The following CELF4 variants were observed in gnomAD, a reference collection of about 807,000 sequenced individuals.
The protein encoded by CELF4 is CUG-BP- and ETR-3-like factor 4.
CELF4 carries 18 observed loss-of-function variants against 59.9 expected under a neutral mutation model. The observed-to-expected ratio is 0.30, with a 90% CI of 0.21 to 0.45. The LOEUF (loss-of-function observed/expected upper bound fraction) is 0.45. Ranked by LOEUF, CELF4 falls within the 20% of genes least tolerant of loss-of-function variation. The pLI, the probability that CELF4 is intolerant of heterozygous loss-of-function variation, is 1.00. For missense variants in CELF4, 456 were observed against 689.0 expected (o/e 0.66, Z 3.79); for synonymous variants, 261 against 267.1 (o/e 0.98, Z 0.22).
At chr18:37,315,837 G>C (rs72883686) in intron 3 of CELF4, among the ~76,000 whole-genome samples, 1 of 152,130 alleles carries the variant, frequency 6.6e-6, no homozygotes, top group Non-Finnish European at 1.5e-5. Context: ...GATCCTCTTC[G>C]GCCCACTAAG....
chr18:37,481,878 T>C (rs918465327), intron 2 of CELF4, among the ~76,000 whole-genome samples: 3 of 152,196 alleles, frequency 2.0e-5, no homozygotes, highest in Non-Finnish European at 2.9e-5. Flanking sequence ...CGGCCACTTA[T>C]CAATTTTGTG....
At chr18:37,504,140 A>C (rs1305464696) in intron 1 of CELF4, among the ~76,000 whole-genome samples, 2 of 152,250 alleles carry the variant, frequency 1.3e-5, no homozygotes, top group South Asian at 4.1e-4. Context: ...GGAGGAATGG[A>C]GTTGGATGAG....
intron 2 of CELF4, among the ~76,000 whole-genome samples, chr18:37,349,393 G>T (rs1020610559): frequency 6.6e-6 from 1 of 152,218 alleles, no homozygotes. Context: ...GAGATGCGAT[G>T]CCTTCCCTAC....
chr18:37,313,099 C>T (rs1343955611), intron 3 of CELF4, among the ~76,000 whole-genome samples: 3 of 152,220 alleles, frequency 2.0e-5, no homozygotes, highest in Non-Finnish European at 2.9e-5. Context: ...TCACTGGACG[C>T]CTTCTCTCTC....
At chr18:37,384,222 G>A (rs765940900) in intron 2 of CELF4, among the ~76,000 whole-genome samples, 5 of 152,186 alleles carry the variant, frequency 3.3e-5, no homozygotes, top group South Asian at 2.1e-4. Flanking sequence ...GGCTGGGGGA[G>A]GGGAGACACT....
intron 1 of CELF4, among the ~76,000 whole-genome samples, chr18:37,560,500 G>A (rs1437824071): frequency 6.6e-6 from 1 of 152,016 alleles, no homozygotes; most frequent in Non-Finnish European, 1.5e-5. Flanking sequence ...CATTTTCTTT[G>A]GTGAAACCTG....
chr18:37,299,883 A>G (rs2095889060), intron 3 of CELF4, among the ~76,000 whole-genome samples: 1 of 151,608 alleles, frequency 6.6e-6, no homozygotes, highest in South Asian at 2.1e-4. Context: ...CGCTGAACAG[A>G]GCTCCCGGGC....
At chr18:37,529,671 C>G (rs1282513785) in intron 1 of CELF4, among the ~76,000 whole-genome samples, 2 of 152,132 alleles carry the variant, frequency 1.3e-5, no homozygotes, top group African/African-American at 4.8e-5. Context: ...TCTAGACAAG[C>G]CAGGGAGGAA....
chr18:37,368,848 G>A (rs2098821899), intron 2 of CELF4, among the ~76,000 whole-genome samples: 1 of 152,230 alleles, frequency 6.6e-6, no homozygotes, highest in African/African-American at 2.4e-5. Flanking sequence ...GGCGGTGCAG[G>A]TGGGCATGCA....
intron 2 of CELF4, among the ~76,000 whole-genome samples, chr18:37,460,548 C>G (rs1299699505): frequency 6.6e-6 from 1 of 152,182 alleles, no homozygotes; most frequent in African/African-American, 2.4e-5. Context: ...TCTTGCTATT[C>G]CTGTCCTTTG....
At chr18:37,517,745 G>A (rs763470546) in intron 1 of CELF4, among the ~76,000 whole-genome samples, 1 of 152,188 alleles carries the variant, frequency 6.6e-6, no homozygotes, top group Non-Finnish European at 1.5e-5. Flanking sequence ...GGGTGACAAA[G>A]ATGGCTCCAG....
intron 1 of CELF4, among the ~76,000 whole-genome samples, chr18:37,515,997 G>GGAGT (rs1235076983): frequency 2.0e-5 from 3 of 152,144 alleles, no homozygotes; most frequent in Non-Finnish European, 4.4e-5. Flanking sequence ...GCACTTTGGT[G>GGAGT]GAGTGAGTGA....
intron 2 of CELF4, among the ~76,000 whole-genome samples, chr18:37,465,922 G>A (rs2099807129): frequency 6.6e-6 from 1 of 152,160 alleles, no homozygotes; most frequent in Non-Finnish European, 1.5e-5. Flanking sequence ...AATCATGGGA[G>A]CCCAGAAGCT....
chr18:37,368,896 T>C (rs1013631068), intron 2 of CELF4, among the ~76,000 whole-genome samples: 3 of 152,228 alleles, frequency 2.0e-5, no homozygotes, highest in Non-Finnish European at 4.4e-5. Context: ...GGTGAACACC[T>C]GGGCATCCCT....
intron 3 of CELF4, among the ~76,000 whole-genome samples, chr18:37,318,525 A>G (rs2096951607): frequency 6.6e-6 from 1 of 151,952 alleles, no homozygotes; most frequent in South Asian, 2.1e-4. Context: ...CTTTTAAAAA[A>G]AAAACCACAC....
At chr18:37,396,865 C>T (rs1399520336) in intron 2 of CELF4, among the ~76,000 whole-genome samples, 1 of 152,184 alleles carries the variant, frequency 6.6e-6, no homozygotes, top group Non-Finnish European at 1.5e-5. Context: ...AAGAACCTAT[C>T]CTTTGTACCT....
At chr18:37,392,238 G>C (rs192930449) in intron 2 of CELF4, among the ~76,000 whole-genome samples, 38 of 152,326 alleles carry the variant, frequency 2.5e-4, no homozygotes, top group African/African-American at 8.9e-4. Flanking sequence ...GCTCCGTCAC[G>C]GAGAGAAGAC....
intron 2 of CELF4, among the ~76,000 whole-genome samples, chr18:37,417,370 C>T (rs117125527): frequency 6.6e-6 from 1 of 152,220 alleles, no homozygotes; most frequent in African/African-American, 2.4e-5. Flanking sequence ...AGACAGAGCA[C>T]TGGGCTTCCC....
In CELF4 at chr18:37,538,019, C is replaced by A. The variant is rs150208325; in HGVS notation, c.286+27337G>T. Among the ~76,000 whole-genome samples, 1,107 of 152,330 alleles carry A rather than the reference C, an allele frequency of 7.3e-3. 5 individuals carry two copies. The highest frequency in any genetic ancestry group is 0.041 in the Middle Eastern group (12 of 294). ...CGCTGAATCCAGCTCTGGAGGCGGC[C>A]GGCTCCTTGGTCCGGGTTGTGCAGT... On this transcript the variant is annotated intron_variant, in intron 1 of 12. Coordinates refer to ENST00000420428, the MANE Select transcript of CELF4 (RefSeq NM_020180.4).
Sources: gnomAD v4.1 joint callset for allele counts (sites outside exome capture counted in the v4.1 genomes callset) on GRCh38, gnomAD v4.1.1 for gene constraint, MANE v1.5 for transcripts, NCBI Gene and HGNC (gene_info 2026-07-23, HGNC 2026-07-21) for gene names.